Variants in AGAP1 observed in about 807,000 individuals in gnomAD.
The protein encoded by AGAP1 is arf-GAP with GTPase, ANK repeat and PH domain-containing protein 1.
Under a neutral mutation model 105.3 loss-of-function variants are expected in AGAP1, and 29 were observed. The ratio of observed to expected loss-of-function variants is 0.28; its 90% CI spans 0.21 to 0.38. AGAP1 has a LOEUF of 0.38. Among genes scored for constraint, AGAP1 ranks in the 10% least tolerant of loss-of-function variants. The pLI is 1.00. For synonymous variants in AGAP1, 509 were observed against 485.9 expected (o/e 1.05, Z -0.63); for missense variants, 998 against 1,165.1 (o/e 0.86, Z 2.09).
chr2:236,034,985 C>T (rs2057335767), intron 13 of AGAP1, among the ~76,000 whole-genome samples: 1 of 152,138 alleles, frequency 6.6e-6, no homozygotes, highest in African/African-American at 2.4e-5. Flanking sequence ...TCCACCCAGC[C>T]AGAAAGGAGT....
chr2:235,813,022 T>C (rs1037853486), intron 9 of AGAP1, among the ~76,000 whole-genome samples: 49 of 152,334 alleles, frequency 3.2e-4, no homozygotes, highest in African/African-American at 1.1e-3. Context: ...CCAGTTACGA[T>C]GATTAATGTA....
Position 235,665,889 on chromosome 2 carries a change from A to G in AGAP1, c.164-43290A>G, listed in dbSNP as rs1948111084. ...CAGATGGCTCTGCTGACTGGCTACC[A>G]GAAGTTTCCTTTAAATAAGGCTTAT... On this transcript the variant is annotated intron_variant, in intron 1 of 17. Transcript: ENST00000304032. The surrounding 1 kb of genome is among the most constrained non-coding windows in gnomAD (Gnocchi z 5.3). 6.6e-6 allele frequency among the ~76,000 whole-genome samples: 1 copy of G among 152,244 alleles called. No homozygotes were observed. Among genetic ancestry groups the G allele is most frequent in the Non-Finnish European group, 1.5e-5 (1 of 68,050 alleles).
At chr2:235,858,730 G>A (rs1381409244) in intron 9 of AGAP1, among the ~76,000 whole-genome samples, 1 of 152,178 alleles carries the variant, frequency 6.6e-6, no homozygotes, top group African/African-American at 2.4e-5. Flanking sequence ...GAACATGAAA[G>A]GTGGTTTCTC....
At chr2:235,764,233 A>G (rs1251994917) in intron 6 of AGAP1, among the ~76,000 whole-genome samples, 2 of 152,238 alleles carry the variant, frequency 1.3e-5, no homozygotes, top group African/African-American at 4.8e-5. Flanking sequence ...CAAAACTGCC[A>G]GTTCCTTGAG....
rs55890259 is a variant in AGAP1 at position 235,535,493 on chromosome 2, TAAA to T, written c.163+40656_163+40658del. Among the ~76,000 whole-genome samples the T allele has an allele frequency of 2.7e-5, 4 of 145,558 alleles. No individual in the cohort carries two copies. The highest frequency in any genetic ancestry group is 7.6e-5 in the African/African-American group (3 of 39,678). On this transcript the variant is annotated intron_variant, in intron 1 of 17. Coordinates refer to ENST00000304032, the MANE Select transcript of AGAP1 (RefSeq NM_001037131.3). The surrounding 1 kb of genome is among the most constrained non-coding windows in gnomAD (Gnocchi z 5.1). ...TGATCTTAGGGTAGTATTTTGGATT[TAAA>T]AAAAAAAAAAACATGAAATGAAATC...
rs1953494946 is a variant in AGAP1 at position 235,752,134 on chromosome 2, C to T, written c.673+1646C>T. ...AAGTAAAGCGTCGTAGATGAAGGGTCCCCAGGCCCGTGCATGAGGCCAGCT... is the reference window on the plus strand; with the variant it reads ...AAGTAAAGCGTCGTAGATGAAGGGTTCCCAGGCCCGTGCATGAGGCCAGCT... On this transcript the variant is annotated intron_variant, in intron 6 of 17. Coordinates refer to ENST00000304032, the MANE Select transcript of AGAP1 (RefSeq NM_001037131.3). This position sits in a 1 kb window ranked among gnomAD's most constrained non-coding sequence, Gnocchi z 4.3. 6.6e-6 allele frequency among the ~76,000 whole-genome samples: 1 copy of T among 152,200 alleles called. No individual in the cohort carries two copies. The highest frequency in any genetic ancestry group is 1.5e-5 in the Non-Finnish European group (1 of 68,038).
chr2:236,070,319 T>C (rs1237606921), intron 16 of AGAP1, among the ~76,000 whole-genome samples: 1 of 152,212 alleles, frequency 6.6e-6, no homozygotes, highest in African/African-American at 2.4e-5. Context: ...AGAGCAGCAT[T>C]GAAATCCTCA....
intron 1 of AGAP1, chr2:235,670,855 GGCGGCCGGGGCCGGC>G (rs1948370997): frequency 7.2e-7 from 1 of 1,396,508 alleles, no homozygotes; most frequent in African/African-American, 1.5e-5. Context: ...GCGCGCGGGC[GGCGGCCGGGGCCGGC>G]GCGGCCTCGG....
Position 235,586,858 on chromosome 2 carries a change from G to A in AGAP1, c.163+92009G>A, listed in dbSNP as rs549142413. Reference sequence around the variant, plus strand: ...AGTGAGGGAGCTTTCTTGAGGACGGGTTTTGTCGGAGTGTAGTTCATATAC... The same window carrying A: ...AGTGAGGGAGCTTTCTTGAGGACGGATTTTGTCGGAGTGTAGTTCATATAC... On this transcript the variant is annotated intron_variant, in intron 1 of 17. Coordinates refer to ENST00000304032, the MANE Select transcript of AGAP1 (RefSeq NM_001037131.3). The surrounding 1 kb of genome is among the most constrained non-coding windows in gnomAD (Gnocchi z 4.2). Among the ~76,000 whole-genome samples the A allele has an allele frequency of 2.6e-5, 4 of 152,312 alleles. No homozygotes were observed. The highest frequency in any genetic ancestry group is 3.9e-4 in the East Asian group (2 of 5,180).
rs991308623 is a variant in AGAP1 at position 235,599,278 on chromosome 2, G to A, written c.163+104429G>A. ...GCCGAGGGCCTGTGGGCTGCAGTAC[G>A]TTTACACTGTGTGTTGGGGGGGTGG... is the stretch of plus-strand genomic sequence containing the variant. On this transcript the variant is annotated intron_variant, in intron 1 of 17. Coordinates refer to ENST00000304032, the MANE Select transcript of AGAP1 (RefSeq NM_001037131.3). This position sits in a 1 kb window ranked among gnomAD's most constrained non-coding sequence, Gnocchi z 5.3. Among the ~76,000 whole-genome samples the A allele has an allele frequency of 1.6e-4, 25 of 152,252 alleles. No homozygotes were observed. Among genetic ancestry groups the A allele is most frequent in the South Asian group, 1.2e-3 (6 of 4,826 alleles).
intron 16 of AGAP1, among the ~76,000 whole-genome samples, chr2:236,115,222 C>T (rs2059742775): frequency 6.6e-6 from 1 of 152,226 alleles, no homozygotes; most frequent in African/African-American, 2.4e-5. Flanking sequence ...TTGTTTTCTT[C>T]AGTCGTGACA....
Position 235,690,985 on chromosome 2 carries a change from A to G in AGAP1, c.164-18194A>G, listed in dbSNP as rs182180650. Among the ~76,000 whole-genome samples, 32 of 152,186 alleles carry G rather than the reference A, an allele frequency of 2.1e-4. 1 individual carries two copies. The highest frequency in any genetic ancestry group is 5.8e-4 in the African/African-American group (24 of 41,522). On this transcript the variant is annotated intron_variant, in intron 1 of 17. Coordinates refer to ENST00000304032, the MANE Select transcript of AGAP1 (RefSeq NM_001037131.3). The surrounding 1 kb of genome is among the most constrained non-coding windows in gnomAD (Gnocchi z 4.1). ...GGAGCCTTCTTGGAAGTCGCTCACC[A>G]CCTGGTTTTCTCCAATTAGGCTATG...
intron 13 of AGAP1, among the ~76,000 whole-genome samples, chr2:235,978,594 A>C (rs2054956512): frequency 6.6e-6 from 1 of 152,360 alleles, no homozygotes; most frequent in Non-Finnish European, 1.5e-5. Flanking sequence ...CAAGGCCAGT[A>C]GATGAGTGGC....
chr2:235,583,857 A>T (rs113108381), intron 1 of AGAP1, among the ~76,000 whole-genome samples: 3,390 of 147,276 alleles, frequency 0.023, 125 homozygotes, highest in African/African-American at 0.082. Flanking sequence ...CTGGGTGATA[A>T]AATGAGATCA....
At chr2:235,537,465 T>G (rs1334710541) in intron 1 of AGAP1, among the ~76,000 whole-genome samples, 12 of 151,986 alleles carry the variant, frequency 7.9e-5, no homozygotes, top group Non-Finnish European at 2.9e-5. Context: ...CATGAGGATG[T>G]GGGAGGATGG....
intron 13 of AGAP1, among the ~76,000 whole-genome samples, chr2:236,017,199 A>G (rs1238430761): frequency 6.6e-6 from 1 of 151,698 alleles, no homozygotes; most frequent in Non-Finnish European, 1.5e-5. Context: ...AGGCTGAGGC[A>G]GGAGAATCGC....
chr2:235,862,075 G>GT (rs2048949382), intron 9 of AGAP1, among the ~76,000 whole-genome samples: 1 of 152,056 alleles, frequency 6.6e-6, no homozygotes, highest in Non-Finnish European at 1.5e-5. Flanking sequence ...CACCTGGCGA[G>GT]TGAGTGTCTC....
chr2:235,559,480 A>T lies in AGAP1; in HGVS notation c.163+64631A>T, dbSNP rs1944080914. ...CTCTCATTGCGAACATTCTTCTCTAAGGTTGAAAATCAGTTTTTCATTATG... is the reference window on the plus strand; with the variant it reads ...CTCTCATTGCGAACATTCTTCTCTATGGTTGAAAATCAGTTTTTCATTATG... On this transcript the variant is annotated intron_variant, in intron 1 of 17. Coordinates refer to ENST00000304032, the MANE Select transcript of AGAP1 (RefSeq NM_001037131.3). This position sits in a 1 kb window ranked among gnomAD's most constrained non-coding sequence, Gnocchi z 5.7. 6.6e-6 allele frequency among the ~76,000 whole-genome samples: 1 copy of T among 152,198 alleles called. No homozygotes were observed. The highest frequency in any genetic ancestry group is 2.4e-5 in the African/African-American group (1 of 41,430).
At chr2:235,810,780 C>T (rs574162549) in intron 9 of AGAP1, among the ~76,000 whole-genome samples, 1 of 151,020 alleles carries the variant, frequency 6.6e-6, no homozygotes, top group East Asian at 1.9e-4. Context: ...TCTACTTCTC[C>T]TTTGGTGTCC....
Sources: gnomAD v4.1 joint callset for allele counts (sites outside exome capture counted in the v4.1 genomes callset) on GRCh38, gnomAD v4.1.1 for gene constraint, Gnocchi (gnomAD v3.1) non-coding constraint, MANE v1.5 for transcripts, NCBI Gene and HGNC (gene_info 2026-07-23, HGNC 2026-07-21) for gene names.